Variants in RARA observed in about 807,000 individuals in gnomAD.
The protein encoded by RARA is PML-DDX5-RARA fusion.
A neutral mutation model predicts 42.8 loss-of-function variants in RARA; 5 were observed. That is an observed-to-expected ratio of 0.12 (90% CI 0.06 to 0.25). RARA has a LOEUF of 0.25. Ranked by LOEUF, RARA falls within the 10% of genes least tolerant of loss-of-function variation. RARA has a pLI of 1.00. For synonymous variants in RARA, 256 were observed against 259.5 expected, an observed-to-expected ratio of 0.99 and a Z score of 0.13; for missense variants, 402 against 628.7, an observed-to-expected ratio of 0.64 and a Z score of 3.86.
Position 40,352,565 on chromosome 17 carries a change from T to A in RARA, c.807+58T>A. The A allele has an allele frequency of 1.4e-6, 2 of 1,418,960 alleles. No homozygotes were observed. Among genetic ancestry groups the A allele is most frequent in the African/African-American group, 1.4e-5 (1 of 69,298 alleles). The allele number at this position is 1,418,960 out of a possible 1,614,324, so 87.9% of individuals were successfully genotyped here. The stretch of plus-strand genomic sequence containing the variant: ...CCCCTGTGTCCTGGGTAGATGTCCT[T>A]CCAGCCAGACAGCCACCCTCCTAAA... On this transcript the variant is annotated intron_variant, in intron 6 of 8. Transcript: ENST00000254066. The surrounding 1 kb of genome is among the most constrained non-coding windows in gnomAD (Gnocchi z 4.9).
At chr17:40,337,035 T>C (rs1003475748) in intron 2 of RARA, among the ~76,000 whole-genome samples, 7 of 152,232 alleles carry the variant, frequency 4.6e-5, no homozygotes, top group Non-Finnish European at 8.8e-5. Flanking sequence ...CTGGAGAGAA[T>C]GGGATGCTAA....
At chr17:40,331,997 C>T (rs1489585897) in intron 2 of RARA, among the ~76,000 whole-genome samples, 1 of 152,218 alleles carries the variant, frequency 6.6e-6, no homozygotes, top group African/African-American at 2.4e-5. Context: ...GGAGGGGACA[C>T]TTGGCCTGGA....
At chr17:40,322,594 G>A (rs965538734) in intron 1 of RARA, among the ~76,000 whole-genome samples, 2 of 152,056 alleles carry the variant, frequency 1.3e-5, no homozygotes, top group East Asian at 1.9e-4. Flanking sequence ...GGGTCCTACC[G>A]CAGGTCCTCA....
intron 4 of RARA, 129 bp downstream of exon 4, chr17:40,350,054 T>A: frequency 2.8e-6 from 4 of 1,405,274 alleles, no homozygotes; most frequent in Non-Finnish European, 3.8e-6. Context: ...GTGTGCGGGC[T>A]CACGGTTGAG....
At chr17:40,342,906 G>A (rs1437295056) in intron 2 of RARA, 3 of 1,585,442 alleles carry the variant, frequency 1.9e-6, no homozygotes, top group African/African-American at 1.3e-5. Flanking sequence ...GTAGGGGGTG[G>A]GAGTGGGCGG....
At chr17:40,314,690 C>A (rs1376786681) in intron 1 of RARA, among the ~76,000 whole-genome samples, 1 of 151,968 alleles carries the variant, frequency 6.6e-6, no homozygotes, top group African/African-American at 2.4e-5. Context: ...GTCTGCAATC[C>A]TTGGGCTGTG....
intron 1 of RARA, among the ~76,000 whole-genome samples, chr17:40,324,810 C>T (rs1476861594): frequency 6.6e-6 from 1 of 152,202 alleles, no homozygotes; most frequent in East Asian, 1.9e-4. Flanking sequence ...ATGGCCTGCA[C>T]TGACTAGGGC....
chr17:40,317,643 C>G (rs1199501636), intron 1 of RARA, among the ~76,000 whole-genome samples: 2 of 151,064 alleles, frequency 1.3e-5, no homozygotes, highest in Non-Finnish European at 2.9e-5. Flanking sequence ...ACTGGAGCTG[C>G]AGAGGTGTTT....
Position 40,330,304 on chromosome 17 carries a change from C to T in RARA, c.-362-553C>T, listed in dbSNP as rs548151194. 4.2e-3 allele frequency among the ~76,000 whole-genome samples: 634 copies of T among 152,264 alleles called. 1 individual carries two copies. The highest frequency in any genetic ancestry group is 6.5e-3 in the Non-Finnish European group (441 of 68,006). On this transcript the variant is annotated intron_variant, in intron 1 of 8. Coordinates refer to ENST00000254066, the MANE Select transcript of RARA (RefSeq NM_000964.4). ...CCTAGGAGTCCTTGGTTCCCATTTT[C>T]CTATTAGTGTGTACGTAAATGGGCC...
In RARA at chr17:40,348,373, C is replaced by A; in HGVS notation, c.236C>A (p.Pro79His). The change falls in exon 3 of 9, where the codon CCC (proline) becomes CAC (histidine). Residue 79 changes from proline (P) to histidine (H), a missense_variant. Physicochemically the swap from Pro to His is moderately conservative, Grantham distance 77 (BLOSUM62 -2). Around this residue, in one of 5 missense-constraint regions of RARA, gnomAD observed 91 missense variants for 105.2 expected, o/e 0.87. Transcript: ENST00000254066. ...ATAGTGCCCAGCCCTCCCTCGCCAC[C>A]CCCTCTACCCCGCATCTACAAGCCT... The part of the protein sequence containing the change: ...EEIVPSPPSP[P>H]PLPRIYKPCF... The A allele has an allele frequency of 6.2e-7, 1 of 1,613,066 alleles. No individual in the cohort carries two copies. Among genetic ancestry groups the A allele is most frequent in the Non-Finnish European group, 8.5e-7 (1 of 1,179,476 alleles).
intron 1 of RARA, among the ~76,000 whole-genome samples, chr17:40,329,433 A>G (rs2033632635): frequency 6.6e-6 from 1 of 152,100 alleles, no homozygotes; most frequent in African/African-American, 2.4e-5. Context: ...CAGCCTCCCA[A>G]GTAGCTGGGA....
Position 40,357,139 on chromosome 17 carries a change from CA to C in RARA, c.*914del. On this transcript the variant is annotated 3_prime_UTR_variant, in exon 9 of 9. Coordinates refer to ENST00000254066, the MANE Select transcript of RARA (RefSeq NM_000964.4). Reference sequence around the variant, plus strand: ...ACCCACCATGAGGCATGGAGCAGGGCAGAGCAAGGGCCCCGGGACAGAGTTT... The same window carrying C: ...ACCCACCATGAGGCATGGAGCAGGGCGAGCAAGGGCCCCGGGACAGAGTTT... The C allele has an allele frequency of 1.6e-5, 4 of 250,454 alleles. No individual in the cohort carries two copies. The highest frequency in any genetic ancestry group is 5.2e-5 in the Admixed American group (1 of 19,356). 15.5% of individuals were successfully genotyped at this position (250,454 alleles called of 1,614,324 possible). A position where few individuals can be genotyped will look rare whatever the true frequency, so the allele number is the denominator to read the frequency against.
chr17:40,352,143 A>T lies in RARA; in HGVS notation c.630+73A>T. 1 of 1,470,490 alleles carries T rather than the reference A, an allele frequency of 6.8e-7. No homozygotes were observed. The highest frequency in any genetic ancestry group is 1.4e-5 in the South Asian group (1 of 71,018). 91.1% of individuals were successfully genotyped at this position (1,470,490 alleles called of 1,614,324 possible). The stretch of plus-strand genomic sequence containing the variant: ...GGGCCAGGATGGGCCCCTCTCAGGC[A>T]CCCCTTCTTGTGCCAGGCAAGATCT... On this transcript the variant is annotated intron_variant, in intron 5 of 8. Coordinates refer to ENST00000254066, the MANE Select transcript of RARA (RefSeq NM_000964.4). The surrounding 1 kb of genome is among the most constrained non-coding windows in gnomAD (Gnocchi z 4.9).
chr17:40,341,633 AG>A (rs2034046896), intron 2 of RARA: 1 of 1,345,590 alleles, frequency 7.4e-7, no homozygotes, highest in Admixed American at 4.1e-5. Flanking sequence ...GGTCACTCGG[AG>A]GTGAGGCGCC....
chr17:40,346,271 C>G (rs2034262575), intron 2 of RARA, among the ~76,000 whole-genome samples: 2 of 152,106 alleles, frequency 1.3e-5, no homozygotes, highest in Admixed American at 1.3e-4. Flanking sequence ...CCCATGACTC[C>G]CCATACCCTA....
rs891228583 is a variant in RARA, at chr17:40,351,657, G to T, written c.470-253G>T. 1.8e-6 allele frequency: 1 copy of T among 561,886 alleles called. No homozygotes were observed. Among genetic ancestry groups the T allele is most frequent in the South Asian group, 1.9e-5 (1 of 51,814 alleles). 34.8% of individuals were successfully genotyped at this position (561,886 alleles called of 1,614,324 possible). Reference sequence around the variant, plus strand: ...GATAGCATGCGGCTGGCTATGGGGTGGGGTGGGGGGTGTGTGCAGGGCCAC... The same window carrying T: ...GATAGCATGCGGCTGGCTATGGGGTTGGGTGGGGGGTGTGTGCAGGGCCAC... On this transcript the variant is annotated intron_variant, in intron 4 of 8. Coordinates refer to ENST00000254066, the MANE Select transcript of RARA (RefSeq NM_000964.4). This position sits in a 1 kb window ranked among gnomAD's most constrained non-coding sequence, Gnocchi z 4.1.
At chr17:40,337,189 CTG>C (rs1338150296) in intron 2 of RARA, among the ~76,000 whole-genome samples, 1 of 152,222 alleles carries the variant, frequency 6.6e-6, no homozygotes, top group Non-Finnish European at 1.5e-5. Flanking sequence ...AGAATCATGA[CTG>C]TAGGATTGTA....
intron 1 of RARA, among the ~76,000 whole-genome samples, chr17:40,321,318 C>T (rs1194288745): frequency 3.3e-5 from 5 of 151,938 alleles, no homozygotes; most frequent in Non-Finnish European, 7.4e-5. Context: ...GATCTTGCCT[C>T]CCGCTCCAGT....
At position 40,342,880 on chromosome 17, in the gene RARA, C is replaced by G. The variant is rs2034122542; in HGVS notation, c.179-5436C>G. On this transcript the variant is annotated intron_variant, in intron 2 of 8. Coordinates refer to ENST00000254066, the MANE Select transcript of RARA (RefSeq NM_000964.4). ...GGCTCAAACCACTGTACGTACCGGC[C>G]TCTCAGTCTGCTGTTGTAGGGGGTG... 2.5e-6 allele frequency: 4 copies of G among 1,606,702 alleles called. No individual in the cohort carries two copies. In the East Asian group the frequency reaches 8.9e-5, roughly 36 times the overall value.
Sources: allele counts gnomAD v4.1 joint callset (sites outside exome capture counted in the v4.1 genomes callset), GRCh38; gene constraint gnomAD v4.1.1; regional missense constraint gnomAD v4.1.1; non-coding constraint Gnocchi (gnomAD v3.1); transcripts MANE v1.5; gene names NCBI Gene and HGNC (gene_info 2026-07-23, HGNC 2026-07-21).